SDK1: variants seen among roughly 807,000 people sequenced by gnomAD.
SDK1 encodes sidekick cell adhesion molecule 1.
In SDK1, 157 loss-of-function variants were observed where a neutral mutation model predicts 245.5. That is an observed-to-expected ratio of 0.64 (90% CI 0.56 to 0.73). The LOEUF (loss-of-function observed/expected upper bound fraction) is 0.73. Among genes scored for constraint, SDK1 ranks in the 30% least tolerant of loss-of-function variants. The probability of loss-of-function intolerance (pLI) is 0.00; values close to 1 mark genes in which losing one functional copy is unlikely to be tolerated. For synonymous variants in SDK1, 1,647 were observed against 1,278.5 expected (o/e 1.29, Z -6.15); for missense variants, 3,583 against 3,002.3 (o/e 1.19, Z -4.52).
chr7:4,012,420 C>G (rs1272468624), intron 16 of SDK1, among the ~76,000 whole-genome samples, 185 bp downstream of exon 16: 3 of 151,894 alleles, frequency 2.0e-5, no homozygotes, highest in African/African-American at 7.3e-5. Flanking sequence ...CGTGGGCAGC[C>G]GTGCAGAGAC....
chr7:3,356,397 T>C (rs1780795633), intron 1 of SDK1, among the ~76,000 whole-genome samples: 1 of 152,164 alleles, frequency 6.6e-6, no homozygotes, highest in Admixed American at 6.5e-5. Flanking sequence ...TCGTGTTTGT[T>C]ACCGCTCTTT....
intron 2 of SDK1, among the ~76,000 whole-genome samples, chr7:3,625,644 C>G (rs1782093241): frequency 6.6e-6 from 1 of 152,236 alleles, no homozygotes; most frequent in Admixed American, 6.5e-5. Context: ...AGTGCCCACT[C>G]TAATGGGTGA....
Position 4,267,373 on chromosome 7 carries a change from G to T in SDK1, c.*1989G>T. 1.0e-6 allele frequency: 1 copy of T among 984,600 alleles called. No individual in the cohort carries two copies. The highest frequency in any genetic ancestry group is 4.7e-5 in the South Asian group (1 of 21,230). The allele number at this position is 984,600 out of a possible 1,614,324, so 61.0% of individuals were successfully genotyped here. On this transcript the variant is annotated 3_prime_UTR_variant, in exon 45 of 45. Coordinates refer to ENST00000404826, the MANE Select transcript of SDK1 (RefSeq NM_152744.4). ...TTTCTCCTCCTTTTTCTGAGTGGAG[G>T]GGGAAATATTCTAAACCAAAAATCC...
At chr7:3,573,036 T>G (rs1188459894) in intron 1 of SDK1, among the ~76,000 whole-genome samples, 1 of 152,068 alleles carries the variant, frequency 6.6e-6, no homozygotes, top group Admixed American at 6.5e-5. Flanking sequence ...CAGGAACTCC[T>G]TTATGCAGCC....
intron 40 of SDK1, among the ~76,000 whole-genome samples, chr7:4,224,747 G>T (rs1965851): frequency 6.6e-6 from 1 of 152,022 alleles, no homozygotes; most frequent in Non-Finnish European, 1.5e-5. Context: ...TTGGGAGGCC[G>T]AGGTGGGCGG....
intron 4 of SDK1, among the ~76,000 whole-genome samples, chr7:3,681,252 C>G (rs1263482126): frequency 2.6e-5 from 4 of 152,168 alleles, no homozygotes; most frequent in African/African-American, 4.8e-5. Context: ...CCTTGTGTTT[C>G]TAACTTCTTT....
rs187237842 is a variant in SDK1, at chr7:3,865,540, G to A, written c.847+43957G>A. 1.9e-4 allele frequency among the ~76,000 whole-genome samples: 29 copies of A among 152,206 alleles called. No individual in the cohort carries two copies. In the East Asian group the frequency reaches 5.0e-3, roughly 26 times the overall value. On this transcript the variant is annotated intron_variant, in intron 5 of 44. Coordinates refer to ENST00000404826, the MANE Select transcript of SDK1 (RefSeq NM_152744.4). Reference sequence around the variant, plus strand: ...TATTTTATTTTGGAGACAAGGTCTCGCTCTGTCGCCCAGGTTGGAGTGCAG... The same window carrying A: ...TATTTTATTTTGGAGACAAGGTCTCACTCTGTCGCCCAGGTTGGAGTGCAG...
At chr7:3,864,405 T>C (rs1780770922) in intron 5 of SDK1, among the ~76,000 whole-genome samples, 1 of 152,196 alleles carries the variant, frequency 6.6e-6, no homozygotes, top group Non-Finnish European at 1.5e-5. Context: ...GGGCAGAGAT[T>C]CAGTAAACTG....
At chr7:4,120,104 A>G (rs1425160379) in intron 25 of SDK1, among the ~76,000 whole-genome samples, 1 of 134,666 alleles carries the variant, frequency 7.4e-6, no homozygotes, top group African/African-American at 2.7e-5. Flanking sequence ...AAAACAACAT[A>G]AAGACATAAG....
At chr7:3,935,474 A>G (rs536351783) in intron 5 of SDK1, among the ~76,000 whole-genome samples, 1 of 152,352 alleles carries the variant, frequency 6.6e-6, no homozygotes, top group Admixed American at 6.5e-5. Flanking sequence ...TTTGCAAATC[A>G]CATATATAAT....
At chr7:3,636,246 T>G (rs1782454478) in intron 2 of SDK1, among the ~76,000 whole-genome samples, 1 of 152,170 alleles carries the variant, frequency 6.6e-6, no homozygotes, top group African/African-American at 2.4e-5. Flanking sequence ...CTTACCCTCT[T>G]AGTAAACTTT....
At chr7:3,729,794 T>C (rs1264037067) in intron 4 of SDK1, among the ~76,000 whole-genome samples, 8 of 152,114 alleles carry the variant, frequency 5.3e-5, no homozygotes, top group African/African-American at 1.9e-4. Context: ...TTTTTAGTCT[T>C]ATAATTTTTG....
intron 13 of SDK1, among the ~76,000 whole-genome samples, chr7:3,975,480 A>G (rs1782850424): frequency 6.6e-6 from 1 of 152,136 alleles, no homozygotes; most frequent in South Asian, 2.1e-4. Context: ...ATTCCCCACA[A>G]ATAGAATTTG....
chr7:4,171,543 G>A (rs1426472119), intron 32 of SDK1, among the ~76,000 whole-genome samples: 6 of 152,296 alleles, frequency 3.9e-5, no homozygotes, highest in South Asian at 4.1e-4. Flanking sequence ...GCTCTGGTTC[G>A]GCGGTTCTGG....
intron 1 of SDK1, among the ~76,000 whole-genome samples, chr7:3,414,665 C>G (rs965231261): frequency 6.6e-6 from 1 of 152,124 alleles, no homozygotes; most frequent in African/African-American, 2.4e-5. Context: ...TAAGGTTGTT[C>G]AACCATCACC....
intron 19 of SDK1, among the ~76,000 whole-genome samples, chr7:4,056,165 T>G (rs1779183372): frequency 6.6e-6 from 1 of 152,060 alleles, no homozygotes; most frequent in Non-Finnish European, 1.5e-5. Flanking sequence ...TTTTTTTTTT[T>G]TTTTAGAATT....
At chr7:3,679,996 G>T (rs766918984) in intron 4 of SDK1, among the ~76,000 whole-genome samples, 2 of 114,752 alleles carry the variant, frequency 1.7e-5, no homozygotes, top group Non-Finnish European at 3.7e-5. Flanking sequence ...AAATTTTAGA[G>T]ATTTATTTGA....
chr7:3,520,258 T>G (rs1158184498), intron 1 of SDK1, among the ~76,000 whole-genome samples: 2 of 152,172 alleles, frequency 1.3e-5, no homozygotes, highest in East Asian at 3.8e-4. Context: ...TTCACCCTGC[T>G]TTCTTTTAGA....
intron 1 of SDK1, among the ~76,000 whole-genome samples, chr7:3,527,170 C>T (rs528144557): frequency 2.6e-5 from 4 of 152,236 alleles, no homozygotes; most frequent in Non-Finnish European, 5.9e-5. Context: ...TTTAATGTGT[C>T]AGCATAGCAA....
Sources: gnomAD v4.1 joint callset for allele counts (sites outside exome capture counted in the v4.1 genomes callset) on GRCh38, gnomAD v4.1.1 for gene constraint, MANE v1.5 for transcripts, NCBI Gene and HGNC (gene_info 2026-07-23, HGNC 2026-07-21) for gene names.